Variants in UNC13A observed in about 807,000 individuals in gnomAD.
UNC13A encodes protein unc-13 homolog A.
In UNC13A, 61 loss-of-function variants were observed where a neutral mutation model predicts 219.7. That is an observed-to-expected ratio of 0.28 (90% CI 0.23 to 0.34). The LOEUF (loss-of-function observed/expected upper bound fraction) is 0.34, where lower values mean the gene tolerates loss of function less well. Ranked by LOEUF, UNC13A falls within the 10% of genes least tolerant of loss-of-function variation. The probability of loss-of-function intolerance (pLI) is 1.00; values close to 1 mark genes in which losing one functional copy is unlikely to be tolerated. For synonymous variants in UNC13A, 920 were observed against 884.6 expected, an observed-to-expected ratio of 1.04 and a Z score of -0.71; for missense variants, 1,476 against 2,270.3, an observed-to-expected ratio of 0.65 and a Z score of 7.11.
At position 17,648,937 on chromosome 19, in the gene UNC13A, G is replaced by T; in HGVS notation, c.1571C>A (p.Ser524Tyr). 1 of 1,604,682 alleles carries T rather than the reference G, an allele frequency of 6.2e-7. No homozygotes were observed. ...RKAGITSALA[S>Y]STLNNEELKN... ...CAGCTCCTCGTTGTTCAACGTGCTGGAGGCCAAGGCCGAGGTGATGCCCGC... is the reference window on the plus strand; with the variant it reads ...CAGCTCCTCGTTGTTCAACGTGCTGTAGGCCAAGGCCGAGGTGATGCCCGC... The change falls in exon 15 of 44, where the codon TCC (serine) becomes TAC (tyrosine). Residue 524 changes from serine (S) to tyrosine (Y), a missense_variant. Ser to Tyr is a moderately radical substitution (Grantham distance 144). Coordinates refer to ENST00000519716, the MANE Select transcript of UNC13A (RefSeq NM_001080421.3).
chr19:17,685,357 A>AT (rs1261763138), intron 1 of UNC13A, among the ~76,000 whole-genome samples: 4 of 151,820 alleles, frequency 2.6e-5, no homozygotes, highest in East Asian at 1.9e-4. Flanking sequence ...CACCTGGCTA[A>AT]TTTTTTTTAT....
chr19:17,611,050 C>T (rs36088365), intron 42 of UNC13A, among the ~76,000 whole-genome samples: 20,152 of 152,012 alleles, frequency 0.13, 2,230 homozygotes, highest in African/African-American at 0.3. Context: ...AAACAAACAA[C>T]AACAACAACA....
Position 17,663,576 on chromosome 19 carries a change from A to G in UNC13A, c.524-9T>C. The G allele has an allele frequency of 6.2e-7, 1 of 1,607,626 alleles. No individual in the cohort carries two copies. The highest frequency in any genetic ancestry group is 8.5e-7 in the Non-Finnish European group (1 of 1,177,276). ...AAAATAATTCCAGTTGCCTACAAAG[A>G]GAAGGGGCAGAAATAATAAAAGGGA... On this transcript the variant is annotated splice_polypyrimidine_tract_variant and intron_variant, in intron 7 of 43. Transcript: ENST00000519716.
intron 2 of UNC13A, 84 bp downstream of exon 2, chr19:17,675,928 G>C (rs2079889375): frequency 2.0e-6 from 3 of 1,501,680 alleles, no homozygotes; most frequent in Non-Finnish European, 2.7e-6. Flanking sequence ...CTCTAAGTCT[G>C]GGCTGGGACC....
At chr19:17,614,892 G>C (rs1188034633) in intron 41 of UNC13A, among the ~76,000 whole-genome samples, 1 of 152,194 alleles carries the variant, frequency 6.6e-6, no homozygotes, top group Non-Finnish European at 1.5e-5. Flanking sequence ...TGCCGGGGGT[G>C]CCAGGGGGAA....
intron 40 of UNC13A, 112 bp from the exon 41 acceptor site, chr19:17,617,961 C>T (rs2076686135): frequency 7.1e-7 from 1 of 1,400,856 alleles, no homozygotes; most frequent in African/African-American, 1.4e-5. Flanking sequence ...TACTTTCTCA[C>T]CTCTTCCTTT....
chr19:17,671,732 C>A (rs2079792152), intron 4 of UNC13A, among the ~76,000 whole-genome samples: 1 of 151,982 alleles, frequency 6.6e-6, no homozygotes, highest in Non-Finnish European at 1.5e-5. Flanking sequence ...CATGATCATG[C>A]CAATGCACTC....
At chr19:17,666,073 CTTCCT>C (rs1212675567) in intron 7 of UNC13A, among the ~76,000 whole-genome samples, 1 of 149,152 alleles carries the variant, frequency 6.7e-6, no homozygotes, top group Admixed American at 6.8e-5. Context: ...CTTTCCTTTC[CTTCCT>C]TTCCTTTCTT....
At chr19:17,608,663 G>A (rs746128262) in intron 43 of UNC13A, among the ~76,000 whole-genome samples, 15 of 151,040 alleles carry the variant, frequency 9.9e-5, no homozygotes, top group African/African-American at 2.2e-4. Context: ...GACTACAGGC[G>A]CCCGCCACCA....
intron 8 of UNC13A, among the ~76,000 whole-genome samples, chr19:17,662,975 G>A (rs992250905): frequency 6.6e-6 from 1 of 151,866 alleles, no homozygotes; most frequent in African/African-American, 2.4e-5. Flanking sequence ...GGAGGGGGTG[G>A]CTTGCCTTAT....
chr19:17,627,671 C>T lies in UNC13A; in HGVS notation c.3832-74G>A. On this transcript the variant is annotated intron_variant, in intron 32 of 43. Transcript: ENST00000519716. This position sits in a 1 kb window ranked among gnomAD's most constrained non-coding sequence, Gnocchi z 4.7. ...GTACTGGGCATTTTCTCATCTGACC[C>T]AGGGAAAGGGATCCCAAGGGGCTGC... 7.3e-7 allele frequency: 1 copy of T among 1,374,278 alleles called. No individual in the cohort carries two copies. The highest frequency in any genetic ancestry group is 1.0e-6 in the Non-Finnish European group (1 of 986,786). 85.1% of individuals were successfully genotyped at this position (1,374,278 alleles called of 1,614,324 possible).
chr19:17,659,596 C>CAT (rs958106548), intron 8 of UNC13A, among the ~76,000 whole-genome samples: 2 of 152,074 alleles, frequency 1.3e-5, no homozygotes, highest in African/African-American at 4.8e-5. Context: ...AGTAAGGCCC[C>CAT]ATCTCTTTAA....
chr19:17,644,189 G>T (rs1353595401), intron 19 of UNC13A, among the ~76,000 whole-genome samples: 1 of 151,892 alleles, frequency 6.6e-6, no homozygotes, highest in Non-Finnish European at 1.5e-5. Context: ...TTCTTTTCTT[G>T]TGGTGGGGGG....
At chr19:17,617,619 G>A in intron 41 of UNC13A, 83 bp downstream of exon 41, 1 of 1,566,206 alleles carries the variant, frequency 6.4e-7, no homozygotes, top group Non-Finnish European at 8.7e-7. Flanking sequence ...TCACAGGGGA[G>A]TGAGCCAATG....
rs372207277 is a variant in UNC13A, at chr19:17,658,196, C to T, written c.633G>A (p.Pro211=). 179 of 1,613,874 alleles carry T rather than the reference C, an allele frequency of 1.1e-4. 3 individuals are homozygous for T. In the African/African-American group the frequency reaches 1.6e-3, roughly 14 times the overall value. ...YRSETSNSIP[P]PYYTTSQPNA... ...TGGGTTGTGACGTAGTATAATAGGGCGGCGGGATGCTGTTGCTCGTTTCAC... is the reference window on the plus strand; with the variant it reads ...TGGGTTGTGACGTAGTATAATAGGGTGGCGGGATGCTGTTGCTCGTTTCAC... The change falls in exon 9 of 44, where the codon CCG becomes CCA. Residue 211 remains proline, a synonymous_variant. Transcript: ENST00000519716.
chr19:17,611,637 C>T (rs2144925532), intron 42 of UNC13A, 126 bp downstream of exon 42: 1 of 829,800 alleles, frequency 1.2e-6, no homozygotes, highest in South Asian at 1.8e-5. Flanking sequence ...AAGGTGGCCA[C>T]CTTTGGACGT....
chr19:17,647,492 C>T lies in UNC13A; in HGVS notation c.1817G>A (p.Arg606Gln). ...GTGCTTGGAGCTCTTCTCCGCAGCCCCTGAGGACGCCCGAGGCCGGCGCTG... is the reference window on the plus strand; with the variant it reads ...GTGCTTGGAGCTCTTCTCCGCAGCCTCTGAGGACGCCCGAGGCCGGCGCTG... ...QDLLNADCLQ[R>Q]AAEKSSKHGA... is the part of the protein sequence containing the mutation. The change falls in exon 17 of 44, where the codon CGG (arginine) becomes CAG (glutamine). Residue 606 changes from arginine (R) to glutamine (Q), a missense_variant and splice_region_variant. Arg to Gln is a conservative substitution (Grantham distance 43). Around this residue, in one of 14 missense-constraint regions of UNC13A, gnomAD observed 85 missense variants for 211.5 expected, o/e 0.40. Coordinates refer to ENST00000519716, the MANE Select transcript of UNC13A (RefSeq NM_001080421.3). 6.2e-7 allele frequency: 1 copy of T among 1,611,496 alleles called. No homozygotes were observed. Among genetic ancestry groups the T allele is most frequent in the Non-Finnish European group, 8.5e-7 (1 of 1,179,512 alleles).
chr19:17,657,968 A>C (rs925291819), intron 9 of UNC13A, 94 bp downstream of exon 9: 1 of 1,330,308 alleles, frequency 7.5e-7, no homozygotes, highest in African/African-American at 1.5e-5. Flanking sequence ...CCCTTCTGGA[A>C]CTCCACCTCC....
At position 17,655,397 on chromosome 19, in the gene UNC13A, G is replaced by T. The variant is rs144808751; in HGVS notation, c.1284-15C>A. 6.4e-7 allele frequency: 1 copy of T among 1,555,128 alleles called. No individual in the cohort carries two copies. The highest frequency in any genetic ancestry group is 1.9e-5 in the Admixed American group (1 of 52,146). ...TCGGCCTGAAACTGAGGCAGGGAAC[G>T]CTATGAGGCTCTGGGCTGGCTCTCC... On this transcript the variant is annotated splice_polypyrimidine_tract_variant and intron_variant, in intron 10 of 43. Coordinates refer to ENST00000519716, the MANE Select transcript of UNC13A (RefSeq NM_001080421.3).
Sources: gnomAD v4.1 joint callset for allele counts (sites outside exome capture counted in the v4.1 genomes callset) on GRCh38, gnomAD v4.1.1 for gene constraint, gnomAD v4.1.1 regional missense constraint, Gnocchi (gnomAD v3.1) non-coding constraint, MANE v1.5 for transcripts, NCBI Gene and HGNC (gene_info 2026-07-23, HGNC 2026-07-21) for gene names.